The following ST6GALNAC3 variants were observed in gnomAD, a reference collection of about 807,000 sequenced individuals.
The protein encoded by ST6GALNAC3 is ST6 N-acetylgalactosaminide alpha-2,6-sialyltransferase 3, also known as alpha-N-acetylgalactosaminide alpha-2,6-sialyltransferase 3.
A neutral mutation model predicts 32.7 loss-of-function variants in ST6GALNAC3; 25 were observed. That is an observed-to-expected ratio of 0.76 (90% CI 0.56 to 1.07). The LOEUF (loss-of-function observed/expected upper bound fraction) is 1.07. Ranked by LOEUF, ST6GALNAC3 falls within the 50% of genes least tolerant of loss-of-function variation. ST6GALNAC3 has a pLI of 0.00. For synonymous variants in ST6GALNAC3, 129 were observed against 133.1 expected, an observed-to-expected ratio of 0.97 and a Z score of 0.21; for missense variants, 355 against 382.4, an observed-to-expected ratio of 0.93 and a Z score of 0.60.
chr1:76,084,772 C>T (rs969342509), intron 1 of ST6GALNAC3, among the ~76,000 whole-genome samples: 2 of 151,954 alleles, frequency 1.3e-5, no homozygotes, highest in South Asian at 4.1e-4. Context: ...TGCTCCAACT[C>T]GTTGTCCTAG....
intron 1 of ST6GALNAC3, among the ~76,000 whole-genome samples, chr1:76,119,420 A>G (rs289688): frequency 0.61 from 92,049 of 152,068 alleles, 28,353 homozygotes; most frequent in African/African-American, 0.67. Flanking sequence ...TCAGACTGCC[A>G]TGTTCCATTG....
intron 1 of ST6GALNAC3, among the ~76,000 whole-genome samples, chr1:76,092,739 G>T (rs749552385): frequency 6.6e-6 from 1 of 152,142 alleles, no homozygotes; most frequent in Non-Finnish European, 1.5e-5. Flanking sequence ...TTTGCATGGG[G>T]CCTCATAAAT....
rs547948358 is a variant in ST6GALNAC3, at chr1:76,109,745, A to T, written c.18+34861A>T. On this transcript the variant is annotated intron_variant, in intron 1 of 4. Transcript: ENST00000328299. ...CGGGCTTACAGGCACACTTTGGGTG[A>T]AGTCATTCTTCCCTGAAAACTGAGA... 7.2e-5 allele frequency among the ~76,000 whole-genome samples: 11 copies of T among 152,328 alleles called. No homozygotes were observed. In the East Asian group the frequency reaches 1.7e-3, roughly 24 times the overall value.
At chr1:76,164,989 G>A (rs1040959343) in intron 1 of ST6GALNAC3, among the ~76,000 whole-genome samples, 18 of 152,124 alleles carry the variant, frequency 1.2e-4, no homozygotes, top group African/African-American at 4.1e-4. Context: ...GTGCATATTT[G>A]CTATATAGGT....
At chr1:76,511,115 G>A (rs370483587) in intron 3 of ST6GALNAC3, among the ~76,000 whole-genome samples, 40 of 152,110 alleles carry the variant, frequency 2.6e-4, no homozygotes, top group African/African-American at 8.4e-4. Flanking sequence ...GGACATCAGG[G>A]TCTTTTGCCA....
chr1:76,352,535 C>T (rs1649078948), intron 2 of ST6GALNAC3, among the ~76,000 whole-genome samples: 1 of 126,766 alleles, frequency 7.9e-6, no homozygotes, highest in Admixed American at 9.4e-5. Context: ...CGGCCAATCT[C>T]TAATTGCTGG....
At chr1:76,273,537 A>G (rs1242236522) in intron 1 of ST6GALNAC3, among the ~76,000 whole-genome samples, 2 of 152,224 alleles carry the variant, frequency 1.3e-5, no homozygotes, top group African/African-American at 2.4e-5. Flanking sequence ...GAAAAGGTGG[A>G]ACTTCCTAGT....
intron 3 of ST6GALNAC3, among the ~76,000 whole-genome samples, chr1:76,511,521 AT>A (rs1661861527): frequency 6.6e-6 from 1 of 152,112 alleles, no homozygotes; most frequent in Non-Finnish European, 1.5e-5. Flanking sequence ...CAGCTCGGGT[AT>A]TTATGCCTCT....
At chr1:76,338,633 G>A (rs1647700924) in intron 2 of ST6GALNAC3, among the ~76,000 whole-genome samples, 1 of 152,224 alleles carries the variant, frequency 6.6e-6, no homozygotes, top group South Asian at 2.1e-4. Context: ...GGGAAGATGG[G>A]CAACAAGAGA....
intron 1 of ST6GALNAC3, among the ~76,000 whole-genome samples, chr1:76,162,470 C>T (rs185302772): frequency 7.2e-5 from 11 of 152,256 alleles, no homozygotes; most frequent in African/African-American, 2.6e-4. Context: ...GTTTTGTTTT[C>T]TCTGTTGCAG....
chr1:76,230,530 T>C (rs370002434), intron 1 of ST6GALNAC3, among the ~76,000 whole-genome samples: 47 of 152,338 alleles, frequency 3.1e-4, no homozygotes, highest in East Asian at 1.2e-3. Flanking sequence ...AGTAATTTAA[T>C]TTTATGTTGT....
chr1:76,460,790 AT>A (rs1359183804), intron 3 of ST6GALNAC3, among the ~76,000 whole-genome samples: 1 of 152,146 alleles, frequency 6.6e-6, no homozygotes, highest in Non-Finnish European at 1.5e-5. Context: ...AAGAGCATTT[AT>A]TTTTTTCTTC....
chr1:76,456,990 G>T (rs1657861065), intron 3 of ST6GALNAC3, among the ~76,000 whole-genome samples: 1 of 151,852 alleles, frequency 6.6e-6, no homozygotes. Context: ...AAGCTGATAA[G>T]CAACTTCAGC....
intron 3 of ST6GALNAC3, among the ~76,000 whole-genome samples, chr1:76,451,421 G>A (rs1317915705): frequency 6.6e-6 from 1 of 152,164 alleles, no homozygotes; most frequent in South Asian, 2.1e-4. Flanking sequence ...AACAGCATGG[G>A]AGAAACCTGC....
chr1:76,108,918 T>C (rs1226777993), intron 1 of ST6GALNAC3, among the ~76,000 whole-genome samples: 2 of 151,782 alleles, frequency 1.3e-5, no homozygotes, highest in African/African-American at 4.8e-5. Context: ...AAAATAAAAA[T>C]TTTCACATCT....
chr1:76,081,793 G>A (rs1041893605), intron 1 of ST6GALNAC3, among the ~76,000 whole-genome samples: 1 of 152,000 alleles, frequency 6.6e-6, no homozygotes, highest in African/African-American at 2.4e-5. Flanking sequence ...TAGCATTTTG[G>A]TATTTATAAT....
intron 3 of ST6GALNAC3, among the ~76,000 whole-genome samples, chr1:76,511,938 T>A (rs564372464): frequency 1.3e-5 from 2 of 152,360 alleles, no homozygotes; most frequent in South Asian, 4.1e-4. Context: ...CTCTTCTAAC[T>A]GTTCCTACAA....
chr1:76,380,035 C>T (rs1486378489), intron 2 of ST6GALNAC3, among the ~76,000 whole-genome samples: 1 of 152,076 alleles, frequency 6.6e-6, no homozygotes, highest in Non-Finnish European at 1.5e-5. Flanking sequence ...TAAAGAAAAA[C>T]ATATGGCAGC....
At chr1:76,188,378 A>G (rs1297109310) in intron 1 of ST6GALNAC3, among the ~76,000 whole-genome samples, 1 of 152,198 alleles carries the variant, frequency 6.6e-6, no homozygotes, top group Non-Finnish European at 1.5e-5. Context: ...AAACATCTGT[A>G]TGTATTTAGT....
Sources: gnomAD v4.1 joint callset for allele counts (sites outside exome capture counted in the v4.1 genomes callset) on GRCh38, gnomAD v4.1.1 for gene constraint, MANE v1.5 for transcripts, NCBI Gene and HGNC (gene_info 2026-07-23, HGNC 2026-07-21) for gene names.